SNTA1: variants seen among roughly 807,000 people sequenced by gnomAD.
SNTA1 encodes the protein syntrophin alpha 1, also known as alpha-1-syntrophin.
In SNTA1, 31 loss-of-function variants were observed where a neutral mutation model predicts 47.1. The ratio of observed to expected loss-of-function variants is 0.66; its 90% confidence interval spans 0.49 to 0.89. The LOEUF is 0.89. Among genes scored for constraint, SNTA1 ranks in the 40% least tolerant of loss-of-function variants. The probability of loss-of-function intolerance (pLI) is 0.00; values close to 1 mark genes in which losing one functional copy is unlikely to be tolerated. For synonymous variants in SNTA1, 300 were observed against 313.6 expected, an observed-to-expected ratio of 0.96 and a Z score of 0.46; for missense variants, 575 against 693.0, an observed-to-expected ratio of 0.83 and a Z score of 1.91.
intron 6 of SNTA1, among the ~76,000 whole-genome samples, chr20:33,409,201 CAG>C (rs1989677230): frequency 6.6e-6 from 1 of 152,168 alleles, no homozygotes; most frequent in Non-Finnish European, 1.5e-5. Flanking sequence ...TGGAGACCTG[CAG>C]AGTTACCCGG....
intron 2 of SNTA1, among the ~76,000 whole-genome samples, chr20:33,434,419 C>T (rs1473014472): frequency 6.6e-6 from 1 of 152,172 alleles, no homozygotes; most frequent in East Asian, 1.9e-4. Context: ...AAGACTTCAA[C>T]TAAGGAAAAG....
At chr20:33,432,071 A>G (rs1292754154) in intron 2 of SNTA1, among the ~76,000 whole-genome samples, 1 of 152,204 alleles carries the variant, frequency 6.6e-6, no homozygotes, top group East Asian at 1.9e-4. Flanking sequence ...TGGTCAGAAC[A>G]ACAGGTCTTT....
At chr20:33,438,785 G>C in intron 2 of SNTA1, 56 bp downstream of exon 2, 1 of 1,426,340 alleles carries the variant, frequency 7.0e-7, no homozygotes, top group Middle Eastern at 2.4e-4. Context: ...GGGAGGTAGA[G>C]AAGCAGTGGA....
At chr20:33,409,990 T>A in intron 6 of SNTA1, 145 bp downstream of exon 6, 1 of 802,338 alleles carries the variant, frequency 1.2e-6, no homozygotes. Context: ...GGTCTCAAAC[T>A]TCTGACCTCA....
At chr20:33,437,264 G>GAA (rs1186882225) in intron 2 of SNTA1, among the ~76,000 whole-genome samples, 1 of 138,838 alleles carries the variant, frequency 7.2e-6, no homozygotes, top group Non-Finnish European at 1.6e-5. Context: ...CTCCATCTCA[G>GAA]AAAAAAAAAA....
At chr20:33,428,019 G>A (rs1990208254) in intron 2 of SNTA1, among the ~76,000 whole-genome samples, 1 of 151,900 alleles carries the variant, frequency 6.6e-6, no homozygotes, top group Non-Finnish European at 1.5e-5. Flanking sequence ...CGAATTCCTG[G>A]CCTCAAACAA....
chr20:33,431,793 C>T (rs1263136704), intron 2 of SNTA1, among the ~76,000 whole-genome samples: 1 of 152,110 alleles, frequency 6.6e-6, no homozygotes, highest in Admixed American at 6.6e-5. Context: ...ACAGTAGGTG[C>T]TCATGGTGTT....
At position 33,408,481 on chromosome 20, in the gene SNTA1, T is replaced by A. The variant is rs373039698; in HGVS notation, c.*26A>T. The A allele has an allele frequency of 3.2e-6, 5 of 1,553,040 alleles. No homozygotes were observed. In the African/African-American group the frequency reaches 6.8e-5, roughly 21 times the overall value. Reference sequence around the variant, plus strand: ...TCAGGCCATGTCATGGACACCCCTCTTCAGGGCTAGTGCATCCGGCGACTT... The same window carrying A: ...TCAGGCCATGTCATGGACACCCCTCATCAGGGCTAGTGCATCCGGCGACTT... On this transcript the variant is annotated 3_prime_UTR_variant, in exon 8 of 8. Transcript: ENST00000217381.
In SNTA1 at chr20:33,408,536, TG is replaced by T; in HGVS notation, c.1488del (p.Val498SerfsTer15). 1 of 1,614,118 alleles carries T rather than the reference TG, an allele frequency of 6.2e-7. No individual in the cohort carries two copies. Among genetic ancestry groups the T allele is most frequent in the African/African-American group, 1.3e-5 (1 of 75,034 alleles). On this transcript the variant is annotated frameshift_variant, in exon 8 of 8. Coordinates refer to ENST00000217381, the MANE Select transcript of SNTA1 (RefSeq NM_003098.3). LOFTEE classifies it high-confidence loss of function. ...GCCAACAGCCCGAGGCGGGTGACTTTGGCCGACAGGAAGGAGTGGATGATGA... is the reference window on the plus strand; with the variant it reads ...GCCAACAGCCCGAGGCGGGTGACTTTGCCGACAGGAAGGAGTGGATGATGA... ...IVFIIHSFLSAKVTRLGLLA is the reference protein window; with the variant it reads ...IVFIIHSFLSXKVTRLGLLA
Position 33,443,701 on chromosome 20 carries a change from A to G in SNTA1, c.-81T>C. 1 of 926,744 alleles carries G rather than the reference A, an allele frequency of 1.1e-6. No homozygotes were observed. Among genetic ancestry groups the G allele is most frequent in the Non-Finnish European group, 1.3e-6 (1 of 741,028 alleles). The allele number at this position is 926,744 out of a possible 1,614,324, so 57.4% of individuals were successfully genotyped here. The stretch of plus-strand genomic sequence containing the variant: ...CGCTCCGACCAAGCGCCCAGGGCAG[A>G]GGGCAGCGGGGGCCCGGCTGGGCCA... On this transcript the variant is annotated 5_prime_UTR_variant, in exon 1 of 8. Coordinates refer to ENST00000217381, the MANE Select transcript of SNTA1 (RefSeq NM_003098.3).
chr20:33,410,140 G>A lies in SNTA1; in HGVS notation c.1232C>T (p.Ser411Phe), dbSNP rs755699449. 1 of 1,614,206 alleles carries A rather than the reference G, an allele frequency of 6.2e-7. No homozygotes were observed. Reference sequence around the variant, plus strand: ...CCCAGATCCTCCCAGCACACCTGTAGACACCTCCTGCACACCCTCGGCGGC... The same window carrying A: ...CCCAGATCCTCCCAGCACACCTGTAAACACCTCCTGCACACCCTCGGCGGC... Reference protein sequence around the residue: ...HRAAEGVQEVSTACTWNGRPC... With the variant: ...HRAAEGVQEVFTACTWNGRPC... The change falls in exon 6 of 8, where the codon TCT becomes TTT. Residue 411 changes from serine (S) to phenylalanine (F), a missense_variant. Transcript: ENST00000217381.
At chr20:33,419,621 G>A (rs1242940511) in intron 2 of SNTA1, among the ~76,000 whole-genome samples, 1 of 152,158 alleles carries the variant, frequency 6.6e-6, no homozygotes, top group Middle Eastern at 3.2e-3. Flanking sequence ...AAGGGCAGCA[G>A]AAGTGGGACA....
At chr20:33,411,552 C>G (rs1374387548) in intron 5 of SNTA1, among the ~76,000 whole-genome samples, 1 of 152,198 alleles carries the variant, frequency 6.6e-6, no homozygotes, top group Non-Finnish European at 1.5e-5. Context: ...CCACTTCCAT[C>G]CTGCACTCTC....
intron 2 of SNTA1, among the ~76,000 whole-genome samples, chr20:33,430,731 A>C (rs694465): frequency 0.62 from 93,623 of 150,764 alleles, 29,576 homozygotes; most frequent in South Asian, 0.69. Context: ...GGCGGATCAC[A>C]TGAGGTCAGG....
Position 33,412,866 on chromosome 20 carries a change from C to T in SNTA1, c.702-84G>A, listed in dbSNP as rs545743247. On this transcript the variant is annotated intron_variant, in intron 3 of 7. Transcript: ENST00000217381. ...CTGGCCCAAGAAACCCCACCCACCA[C>T]CAAACCAGGAGAAACCAGGGGGATG... 4.7e-5 allele frequency: 43 copies of T among 907,824 alleles called. No homozygotes were observed. In the South Asian group the frequency reaches 5.9e-4, roughly 12 times the overall value. 56.2% of individuals were successfully genotyped at this position (907,824 alleles called of 1,614,324 possible).
chr20:33,420,555 A>G (rs1252639948), intron 2 of SNTA1, among the ~76,000 whole-genome samples: 2 of 152,156 alleles, frequency 1.3e-5, no homozygotes, highest in African/African-American at 4.8e-5. Flanking sequence ...CCTCTAGGAC[A>G]TGGGCCCTGC....
At chr20:33,409,871 T>C (rs1989695280) in intron 6 of SNTA1, among the ~76,000 whole-genome samples, 1 of 152,060 alleles carries the variant, frequency 6.6e-6, no homozygotes, top group Non-Finnish European at 1.5e-5. Flanking sequence ...CCTCAAGTGA[T>C]CCACCCGCCT....
chr20:33,430,028 A>G (rs1164015657), intron 2 of SNTA1, among the ~76,000 whole-genome samples: 2 of 152,094 alleles, frequency 1.3e-5, no homozygotes, highest in Non-Finnish European at 2.9e-5. Context: ...AAATTTTCTA[A>G]AAAATCTAGT....
At chr20:33,408,627 G>A in intron 7 of SNTA1, 28 bp from the exon 8 acceptor site, 2 of 1,612,206 alleles carry the variant, frequency 1.2e-6, no homozygotes, top group Non-Finnish European at 1.7e-6. Context: ...AGAAGAGTCA[G>A]GGCCCTGGCC....
Sources: gnomAD v4.1 joint callset for allele counts (sites outside exome capture counted in the v4.1 genomes callset) on GRCh38, gnomAD v4.1.1 for gene constraint, MANE v1.5 for transcripts, NCBI Gene and HGNC (gene_info 2026-07-23, HGNC 2026-07-21) for gene names.